Variants in EFR3B observed in about 807,000 individuals in gnomAD.
EFR3B encodes protein EFR3 homolog B.
Under a neutral mutation model 104.7 loss-of-function variants are expected in EFR3B, and 64 were observed. The ratio of observed to expected loss-of-function variants is 0.61; its 90% CI spans 0.50 to 0.75. EFR3B has a LOEUF of 0.75. EFR3B is among the 30% of genes least tolerant of loss of function. The pLI is 0.00. For synonymous variants in EFR3B, 385 were observed against 417.9 expected, an observed-to-expected ratio of 0.92 and a Z score of 0.96; for missense variants, 750 against 1,078.5, an observed-to-expected ratio of 0.70 and a Z score of 4.27.
At chr2:25,100,728 G>A (rs530648690) in intron 3 of EFR3B, among the ~76,000 whole-genome samples, 1 of 152,258 alleles carries the variant, frequency 6.6e-6, no homozygotes, top group South Asian at 2.1e-4. Context: ...TCCTGACCTC[G>A]TGATCTGCCC....
intron 5 of EFR3B, among the ~76,000 whole-genome samples, chr2:25,122,745 C>T (rs774393714): frequency 8.6e-5 from 13 of 152,028 alleles, no homozygotes; most frequent in South Asian, 4.1e-4. Context: ...CTCACTCTGC[C>T]GGGGTTTCTT....
chr2:25,133,258 A>G (rs567482837), intron 11 of EFR3B, 125 bp from the exon 12 acceptor site: 1 of 1,114,704 alleles, frequency 9.0e-7, no homozygotes, highest in Non-Finnish European at 1.3e-6. Context: ...TCCGGAAGTC[A>G]CTGTCCTGGG....
intron 19 of EFR3B, chr2:25,146,343 C>T (rs896360110): frequency 2.0e-5 from 3 of 152,096 alleles, no homozygotes; most frequent in Non-Finnish European, 4.4e-5. Context: ...TGCCCTCGAC[C>T]ACTTCATTTA....
chr2:25,136,671 G>A lies in EFR3B; in HGVS notation c.1560+73G>A, dbSNP rs1670525328. The A allele has an allele frequency of 3.0e-6, 4 of 1,339,084 alleles. No homozygotes were observed. In the South Asian group the frequency reaches 3.8e-5, roughly 13 times the overall value. 83.0% of individuals were successfully genotyped at this position (1,339,084 alleles called of 1,614,324 possible). On this transcript the variant is annotated intron_variant, in intron 14 of 22. Transcript: ENST00000403714. The surrounding 1 kb of genome is among the most constrained non-coding windows in gnomAD (Gnocchi z 4.0). The stretch of plus-strand genomic sequence containing the variant: ...TCACGCCTGCAATCCCAGCACTTTG[G>A]GAGGCTGAGGCGGGCGGATAGATCA...
At chr2:25,069,024 C>A (rs1182727544) in intron 1 of EFR3B, among the ~76,000 whole-genome samples, 1 of 151,450 alleles carries the variant, frequency 6.6e-6, no homozygotes, top group African/African-American at 2.4e-5. Flanking sequence ...ACCTCCGCCT[C>A]CCGGATTCAA....
chr2:25,131,998 T>A lies in EFR3B; in HGVS notation c.1147+87T>A. On this transcript the variant is annotated intron_variant, in intron 10 of 22. Transcript: ENST00000403714. This position sits in a 1 kb window ranked among gnomAD's most constrained non-coding sequence, Gnocchi z 7.6. The stretch of plus-strand genomic sequence containing the variant: ...GAGGGACGGGACGGGGCCCAGGGGC[T>A]CAAGACTGAGGCGCAGGGCGGGGTG... 3.1e-6 allele frequency: 1 copy of A among 318,656 alleles called. No individual in the cohort carries two copies. The allele number at this position is 318,656 out of a possible 1,614,324, so 19.7% of individuals were successfully genotyped here. A position where few individuals can be genotyped will look rare whatever the true frequency, so the allele number is the denominator to read the frequency against.
chr2:25,127,380 G>A (rs186109243), intron 5 of EFR3B, among the ~76,000 whole-genome samples: 1 of 152,008 alleles, frequency 6.6e-6, no homozygotes, highest in Admixed American at 6.6e-5. Flanking sequence ...ATATGCAATA[G>A]GTTCTTAATT....
chr2:25,080,283 C>CTTT lies in EFR3B; in HGVS notation c.8-11016_8-11014dup, dbSNP rs563438610. On this transcript the variant is annotated intron_variant, in intron 1 of 22. Coordinates refer to ENST00000403714, the MANE Select transcript of EFR3B (RefSeq NM_014971.2). ...AGCTGGCTGGAGTCCCTCCCCAAAG[C>CTTT]TTTTTTTTTTTTTTTTTTTTTTTTT... 1,241 of 154,868 alleles carry CTTT rather than the reference C, an allele frequency of 8.0e-3. 33 individuals carry two copies. The highest frequency in any genetic ancestry group is 0.018 in the East Asian group (101 of 5,532). The allele number at this position is 154,868 out of a possible 1,614,324, so 9.6% of individuals were successfully genotyped here.
At chr2:25,127,794 G>GC (rs1438956622) in intron 5 of EFR3B, among the ~76,000 whole-genome samples, 1 of 152,122 alleles carries the variant, frequency 6.6e-6, no homozygotes, top group African/African-American at 2.4e-5. Context: ...GCCTCCCCCT[G>GC]CCCCCGCAAG....
intron 4 of EFR3B, among the ~76,000 whole-genome samples, chr2:25,109,442 G>T (rs1669659197): frequency 6.6e-6 from 1 of 152,222 alleles, no homozygotes; most frequent in Non-Finnish European, 1.5e-5. Flanking sequence ...AAATGGTGCA[G>T]CGCCTTTGGA....
intron 3 of EFR3B, among the ~76,000 whole-genome samples, chr2:25,097,338 T>C (rs1669307739): frequency 1.3e-5 from 2 of 152,232 alleles, no homozygotes; most frequent in South Asian, 4.1e-4. Context: ...TCCCTGTCTT[T>C]CCGTACCCAA....
intron 1 of EFR3B, among the ~76,000 whole-genome samples, chr2:25,056,795 C>G (rs1397369281): frequency 6.6e-6 from 1 of 152,162 alleles, no homozygotes; most frequent in African/African-American, 2.4e-5. Context: ...ACAGCACTCT[C>G]AGAGAGCAGG....
chr2:25,073,421 G>A (rs1661358497), intron 1 of EFR3B, among the ~76,000 whole-genome samples: 1 of 149,738 alleles, frequency 6.7e-6, no homozygotes, highest in South Asian at 2.1e-4. Flanking sequence ...ACAGTGGTGC[G>A]ATCTCAGCTC....
chr2:25,050,215 T>A (rs759963898), intron 1 of EFR3B, among the ~76,000 whole-genome samples: 9 of 151,902 alleles, frequency 5.9e-5, no homozygotes, highest in Admixed American at 5.2e-4. Context: ...ATTGATGGTT[T>A]GAAACTGTCA....
At chr2:25,107,809 CTT>C (rs34350239) in intron 4 of EFR3B, among the ~76,000 whole-genome samples, 39 of 142,698 alleles carry the variant, frequency 2.7e-4, no homozygotes, top group East Asian at 5.9e-4. Flanking sequence ...TTTAAGTGAG[CTT>C]TTTTTTTTTT....
intron 1 of EFR3B, among the ~76,000 whole-genome samples, chr2:25,090,174 T>C (rs1669073186): frequency 6.6e-6 from 1 of 152,224 alleles, no homozygotes; most frequent in African/African-American, 2.4e-5. Context: ...ACAGATAGAA[T>C]TCATCTTTAA....
intron 1 of EFR3B, chr2:25,080,026 T>C (rs1668746853): frequency 3.3e-6 from 3 of 899,302 alleles, no homozygotes; most frequent in South Asian, 2.6e-5. Context: ...TTAAGCCCAC[T>C]GTCTGCTCTC....
At chr2:25,109,274 C>T (rs1271676485) in intron 4 of EFR3B, among the ~76,000 whole-genome samples, 1 of 151,972 alleles carries the variant, frequency 6.6e-6, no homozygotes, top group African/African-American at 2.4e-5. Context: ...TCCTTAACAT[C>T]GCTAATCATT....
chr2:25,045,698 C>T (rs1338754623), intron 1 of EFR3B, among the ~76,000 whole-genome samples: 1 of 152,050 alleles, frequency 6.6e-6, no homozygotes, highest in Non-Finnish European at 1.5e-5. Context: ...AGGAGAATCA[C>T]TTGAACCTGG....
Sources: allele counts gnomAD v4.1 joint callset (sites outside exome capture counted in the v4.1 genomes callset), GRCh38; gene constraint gnomAD v4.1.1; non-coding constraint Gnocchi (gnomAD v3.1); transcripts MANE v1.5; gene names NCBI Gene and HGNC (gene_info 2026-07-23, HGNC 2026-07-21).